Variants in ZNF148 observed in about 807,000 individuals in gnomAD.
ZNF148 encodes the protein zinc finger protein 148, also known as Beta-Enolase Repressor Factor-1.
ZNF148 carries 7 observed loss-of-function variants against 67.7 expected under a neutral mutation model. That is an observed-to-expected ratio of 0.10 (90% CI 0.06 to 0.19). The LOEUF is 0.19. Ranked by LOEUF, ZNF148 falls within the 10% of genes least tolerant of loss-of-function variation. ZNF148 has a pLI of 1.00. For missense variants in ZNF148, 583 were observed against 947.1 expected (o/e 0.62, Z 5.05); for synonymous variants, 333 against 330.7 (o/e 1.01, Z -0.08).
chr3:125,364,936 T>C (rs973488024), intron 1 of ZNF148, among the ~76,000 whole-genome samples: 1 of 152,178 alleles, frequency 6.6e-6, no homozygotes, highest in African/African-American at 2.4e-5. Flanking sequence ...CCCCTAAACA[T>C]GTCCTGAACT....
At chr3:125,268,149 A>T (rs1202330643) in intron 7 of ZNF148, among the ~76,000 whole-genome samples, 1 of 152,036 alleles carries the variant, frequency 6.6e-6, no homozygotes, top group Admixed American at 6.6e-5. Context: ...TTCCCAAAGC[A>T]ATCTACAGAT....
chr3:125,346,628 C>A (rs1941954908), intron 1 of ZNF148, among the ~76,000 whole-genome samples: 1 of 152,174 alleles, frequency 6.6e-6, no homozygotes, highest in Non-Finnish European at 1.5e-5. Flanking sequence ...TGAATGAGTT[C>A]TCAAAAGATG....
At chr3:125,280,414 G>A (rs958022689) in intron 5 of ZNF148, among the ~76,000 whole-genome samples, 1 of 152,126 alleles carries the variant, frequency 6.6e-6, no homozygotes, top group Admixed American at 6.6e-5. Flanking sequence ...AGGCATGGTG[G>A]CTCAAGCCTG....
At chr3:125,329,445 T>C (rs1382239502) in intron 2 of ZNF148, among the ~76,000 whole-genome samples, 4 of 149,734 alleles carry the variant, frequency 2.7e-5, no homozygotes, top group African/African-American at 9.8e-5. Flanking sequence ...CAACGCAACC[T>C]CCGCCTCCTG....
At chr3:125,306,119 G>C (rs1433069218) in intron 4 of ZNF148, among the ~76,000 whole-genome samples, 1 of 152,090 alleles carries the variant, frequency 6.6e-6, no homozygotes, top group African/African-American at 2.4e-5. Context: ...GAAGTTAGAA[G>C]TATCTTTAAT....
chr3:125,246,657 C>T (rs568118605), intron 7 of ZNF148, among the ~76,000 whole-genome samples: 2 of 152,184 alleles, frequency 1.3e-5, no homozygotes, highest in South Asian at 2.1e-4. Context: ...AGGTTGATAA[C>T]AAATGATTAC....
chr3:125,266,563 C>A (rs1937534572), intron 7 of ZNF148, among the ~76,000 whole-genome samples: 1 of 152,134 alleles, frequency 6.6e-6, no homozygotes, highest in Non-Finnish European at 1.5e-5. Flanking sequence ...CTATAGAATG[C>A]AGCAAAAGCA....
intron 1 of ZNF148, among the ~76,000 whole-genome samples, chr3:125,365,416 C>T (rs912053350): frequency 2.0e-5 from 3 of 152,296 alleles, no homozygotes; most frequent in Admixed American, 2.0e-4. Flanking sequence ...AATAATTGAG[C>T]ACCTACTACA....
intron 1 of ZNF148, among the ~76,000 whole-genome samples, chr3:125,354,111 T>C (rs1242258893): frequency 6.6e-6 from 1 of 152,152 alleles, no homozygotes; most frequent in Non-Finnish European, 1.5e-5. Context: ...CCATTTTTCT[T>C]TATGCTAATA....
At chr3:125,290,486 A>G (rs1330788276) in intron 4 of ZNF148, among the ~76,000 whole-genome samples, 1 of 152,210 alleles carries the variant, frequency 6.6e-6, no homozygotes, top group African/African-American at 2.4e-5. Context: ...ACCCCAAAAT[A>G]AAGTCTTACT....
At chr3:125,281,964 G>C (rs1051362484) in intron 5 of ZNF148, among the ~76,000 whole-genome samples, 1 of 152,036 alleles carries the variant, frequency 6.6e-6, no homozygotes, top group African/African-American at 2.4e-5. Context: ...TATAATCTCA[G>C]TGTTCAAAAT....
At chr3:125,317,450 C>T (rs952794432) in intron 3 of ZNF148, among the ~76,000 whole-genome samples, 1 of 151,744 alleles carries the variant, frequency 6.6e-6, no homozygotes, top group Non-Finnish European at 1.5e-5. Flanking sequence ...TTTGCTACAA[C>T]CCTTCAATGG....
intron 1 of ZNF148, among the ~76,000 whole-genome samples, chr3:125,362,382 T>A (rs750184261): frequency 1.3e-5 from 2 of 152,108 alleles, no homozygotes; most frequent in Non-Finnish European, 2.9e-5. Context: ...TAAACTTCTT[T>A]AATCAATTCC....
At chr3:125,237,004 G>C (rs1307134430) in intron 7 of ZNF148, among the ~76,000 whole-genome samples, 1 of 152,186 alleles carries the variant, frequency 6.6e-6, no homozygotes, top group African/African-American at 2.4e-5. Flanking sequence ...GGGAGAGAAA[G>C]TCACTTATAA....
At chr3:125,352,633 T>C (rs938234233) in intron 1 of ZNF148, among the ~76,000 whole-genome samples, 1 of 149,050 alleles carries the variant, frequency 6.7e-6, no homozygotes, top group Admixed American at 6.7e-5. Flanking sequence ...AGAAATATCC[T>C]GTGGTCACGG....
At chr3:125,340,878 C>T (rs995257256) in intron 1 of ZNF148, among the ~76,000 whole-genome samples, 1 of 147,430 alleles carries the variant, frequency 6.8e-6, no homozygotes, top group Non-Finnish European at 1.5e-5. Context: ...GTCCCAGCTA[C>T]TTGGGAGGCT....
chr3:125,328,918 G>A (rs947649249), intron 2 of ZNF148, among the ~76,000 whole-genome samples: 5 of 151,870 alleles, frequency 3.3e-5, no homozygotes, highest in African/African-American at 1.2e-4. Flanking sequence ...TCTTTTTAGA[G>A]TTAGGCAATT....
At chr3:125,351,342 G>A (rs1410138456) in intron 1 of ZNF148, among the ~76,000 whole-genome samples, 6 of 125,558 alleles carry the variant, frequency 4.8e-5, no homozygotes, top group Non-Finnish European at 9.3e-5. Flanking sequence ...CCGTGCCACC[G>A]CACTCCGGCC....
At chr3:125,295,639 A>G (rs908688314) in intron 4 of ZNF148, among the ~76,000 whole-genome samples, 17 of 152,196 alleles carry the variant, frequency 1.1e-4, no homozygotes, top group Admixed American at 9.8e-4. Context: ...TAATACTAAC[A>G]GTGTGTGAGG....
Sources: allele counts gnomAD v4.1 joint callset (sites outside exome capture counted in the v4.1 genomes callset), GRCh38; gene constraint gnomAD v4.1.1; transcripts MANE v1.5; gene names NCBI Gene and HGNC (gene_info 2026-07-23, HGNC 2026-07-21).